GPR149: variants seen among roughly 807,000 people sequenced by gnomAD.
GPR149 encodes the protein probable G protein-coupled receptor 149.
A neutral mutation model predicts 50.2 loss-of-function variants in GPR149; 50 were observed. The ratio of observed to expected loss-of-function variants is 1.00; its 90% CI spans 0.79 to 1.26. The LOEUF is 1.26. Among genes scored for constraint, GPR149 ranks in the 50% most tolerant of loss-of-function variants. GPR149 has a pLI of 0.00. For missense variants in GPR149, 983 were observed against 895.4 expected, an observed-to-expected ratio of 1.10 and a Z score of -1.25; for synonymous variants, 405 against 358.2, an observed-to-expected ratio of 1.13 and a Z score of -1.48.
At chr3:154,393,415 G>C (rs73162339) in intron 3 of GPR149, among the ~76,000 whole-genome samples, 14,520 of 152,016 alleles carry the variant, frequency 0.096, 792 homozygotes, top group East Asian at 0.23. Flanking sequence ...ACTAGAAATA[G>C]AGGGAAATTA....
rs1712443959 is a variant in GPR149 at position 154,430,167 on chromosome 3, G to A, written c.-552C>T. Among the ~76,000 whole-genome samples the A allele has an allele frequency of 6.6e-6, 1 of 151,874 alleles. No individual in the cohort carries two copies. The highest frequency in any genetic ancestry group is 2.4e-5 in the African/African-American group (1 of 41,350). On this transcript the variant is annotated 5_prime_UTR_variant, in exon 1 of 4. Coordinates refer to ENST00000389740, the MANE Select transcript of GPR149 (RefSeq NM_001038705.3). ...AGAGAGAGAGAGAGAGGGCGAGCGCGAGCCAGTCAGAGGGAGCTTGTGCAC... is the reference window on the plus strand; with the variant it reads ...AGAGAGAGAGAGAGAGGGCGAGCGCAAGCCAGTCAGAGGGAGCTTGTGCAC...
At chr3:154,404,860 A>G (rs77013027) in intron 3 of GPR149, among the ~76,000 whole-genome samples, 1,188 of 48,474 alleles carry the variant, frequency 0.025, 6 homozygotes, top group South Asian at 0.14. Flanking sequence ...ACTAGCTATC[A>G]TCATCATCAT....
At position 154,377,377 on chromosome 3, in the gene GPR149, TTA is replaced by T. The variant is rs1161274252; in HGVS notation, c.1624-39108_1624-39107del. 6.7e-5 allele frequency among the ~76,000 whole-genome samples: 10 copies of T among 148,508 alleles called. No individual in the cohort carries two copies. The East Asian group carries it at 1.8e-3, about 26-fold the overall frequency. ...ATTATTATTATTATTATTATTATTA[TTA>T]TTATTATTACTGAGTCTCATTCTGT... On this transcript the variant is annotated intron_variant, in intron 3 of 3. Coordinates refer to ENST00000389740, the MANE Select transcript of GPR149 (RefSeq NM_001038705.3).
At chr3:154,397,008 C>A (rs1320468159) in intron 3 of GPR149, among the ~76,000 whole-genome samples, 2 of 151,866 alleles carry the variant, frequency 1.3e-5, no homozygotes, top group Non-Finnish European at 2.9e-5. Context: ...AGCCTTGTAA[C>A]TTGGGTGTTT....
At chr3:154,388,872 A>G (rs1715105010) in intron 3 of GPR149, among the ~76,000 whole-genome samples, 1 of 126,670 alleles carries the variant, frequency 7.9e-6, no homozygotes, top group African/African-American at 4.8e-5. Context: ...CATATGAAAA[A>G]CACACACACA....
intron 3 of GPR149, among the ~76,000 whole-genome samples, chr3:154,377,960 G>GT (rs1714830487): frequency 6.6e-6 from 1 of 151,938 alleles, no homozygotes; most frequent in Non-Finnish European, 1.5e-5. Flanking sequence ...ACAATATGTA[G>GT]TTTTTTGGGT....
At chr3:154,382,488 A>G (rs1225097024) in intron 3 of GPR149, among the ~76,000 whole-genome samples, 1 of 152,198 alleles carries the variant, frequency 6.6e-6, no homozygotes, top group African/African-American at 2.4e-5. Context: ...AATTTGCAGA[A>G]AGCTAATTCA....
intron 3 of GPR149, among the ~76,000 whole-genome samples, chr3:154,341,338 T>TATATAA (rs1713796059): frequency 1.6e-5 from 2 of 122,006 alleles, no homozygotes; most frequent in African/African-American, 3.2e-5. Context: ...TATATATATA[T>TATATAA]ATAAAATGAG....
rs1362452085 is a variant in GPR149 at position 154,365,575 on chromosome 3, T to C, written c.1624-27304A>G. On this transcript the variant is annotated intron_variant, in intron 3 of 3. Transcript: ENST00000389740. ...TTGACCGTAAATTCAATCTCGAGCA[T>C]TTTTTCTCTTCTCACACTTTACTAT... Among the ~76,000 whole-genome samples, 8 of 152,140 alleles carry C rather than the reference T, an allele frequency of 5.3e-5. No homozygotes were observed. The East Asian group carries it at 1.3e-3, about 26-fold the overall frequency.
chr3:154,413,108 G>T (rs1218727781), intron 3 of GPR149, among the ~76,000 whole-genome samples: 1 of 151,994 alleles, frequency 6.6e-6, no homozygotes, highest in African/African-American at 2.4e-5. Flanking sequence ...ACATGTAGAA[G>T]AAAGAAACTG....
chr3:154,394,606 C>A (rs776134538), intron 3 of GPR149, among the ~76,000 whole-genome samples: 25 of 151,962 alleles, frequency 1.6e-4, no homozygotes, highest in Non-Finnish European at 3.1e-4. Flanking sequence ...GAAAAGGTAA[C>A]CTACAGAATA....
intron 3 of GPR149, chr3:154,353,228 A>T: frequency 6.6e-7 from 1 of 1,526,504 alleles, no homozygotes; most frequent in Non-Finnish European, 9.1e-7. Flanking sequence ...GAGACCAATG[A>T]CACTGAATGG....
chr3:154,429,310 T>C lies in GPR149; in HGVS notation c.306A>G (p.Gln102=). ...QWPNEVPGYF[Q]FLCTTSALMY... ...TTAAGGCAGAGGTGGTGCACAGAAA[T>C]TGGAAGTAACCGGGGACCTCGTTTG... The change falls in exon 1 of 4, where the codon CAA becomes CAG. Residue 102 remains glutamine, a synonymous_variant. Transcript: ENST00000389740. The C allele has an allele frequency of 1.2e-6, 2 of 1,614,016 alleles. No individual in the cohort carries two copies. The highest frequency in any genetic ancestry group is 1.7e-6 in the Non-Finnish European group (2 of 1,179,990).
At chr3:154,397,647 G>A (rs1373720973) in intron 3 of GPR149, among the ~76,000 whole-genome samples, 3 of 151,966 alleles carry the variant, frequency 2.0e-5, no homozygotes, top group Non-Finnish European at 2.9e-5. Flanking sequence ...TGCACATCAC[G>A]AGTCCTAATT....
intron 3 of GPR149, chr3:154,353,862 T>C: frequency 1.7e-6 from 1 of 605,066 alleles, no homozygotes; most frequent in Non-Finnish European, 3.0e-6. Flanking sequence ...AAGAGATATG[T>C]TACCCTTTGA....
chr3:154,371,486 T>C (rs1480637970), intron 3 of GPR149, among the ~76,000 whole-genome samples: 1 of 152,124 alleles, frequency 6.6e-6, no homozygotes, highest in East Asian at 1.9e-4. Context: ...GGGACTGGAA[T>C]TGGAGGCATA....
intron 3 of GPR149, among the ~76,000 whole-genome samples, chr3:154,405,156 A>G (rs1029364295): frequency 1.3e-5 from 2 of 152,254 alleles, no homozygotes; most frequent in Non-Finnish European, 2.9e-5. Context: ...ATGATAAAAT[A>G]AATTTAAACG....
chr3:154,349,167 T>G (rs1576899509), intron 3 of GPR149, among the ~76,000 whole-genome samples: 1 of 152,098 alleles, frequency 6.6e-6, no homozygotes, highest in East Asian at 1.9e-4. Context: ...AGTAATAGTC[T>G]TAAACCAATA....
At chr3:154,400,286 C>G (rs1252212135) in intron 3 of GPR149, among the ~76,000 whole-genome samples, 1 of 152,082 alleles carries the variant, frequency 6.6e-6, no homozygotes, top group Non-Finnish European at 1.5e-5. Context: ...GCGCCCGGCC[C>G]TTATTTGAAA....
Sources: allele counts gnomAD v4.1 joint callset (sites outside exome capture counted in the v4.1 genomes callset), GRCh38; gene constraint gnomAD v4.1.1; transcripts MANE v1.5; gene names NCBI Gene and HGNC (gene_info 2026-07-23, HGNC 2026-07-21).